FOXP1: variants seen among roughly 807,000 people sequenced by gnomAD.
FOXP1 encodes the protein forkhead box P1, also known as forkhead box protein P1.
In FOXP1, 15 loss-of-function variants were observed where a neutral mutation model predicts 98.2. That is an observed-to-expected ratio of 0.15 (90% CI 0.10 to 0.24). The LOEUF (loss-of-function observed/expected upper bound fraction) is 0.24. Ranked by LOEUF, FOXP1 falls within the 10% of genes least tolerant of loss-of-function variation. FOXP1 has a pLI of 1.00. For synonymous variants in FOXP1, 371 were observed against 314.5 expected (o/e 1.18, Z -1.90); for missense variants, 633 against 848.5 (o/e 0.75, Z 3.15).
At chr3:71,069,724 A>AT (rs1338597241) in intron 7 of FOXP1, among the ~76,000 whole-genome samples, 5 of 152,200 alleles carry the variant, frequency 3.3e-5, no homozygotes, top group Non-Finnish European at 7.3e-5. Context: ...CAAACCCTCG[A>AT]TTTTTAAGCA....
intron 3 of FOXP1, among the ~76,000 whole-genome samples, chr3:71,493,016 G>C (rs1577825750): frequency 2.0e-5 from 3 of 151,954 alleles, no homozygotes; most frequent in Middle Eastern, 6.8e-3. Context: ...AAAAGTTTGG[G>C]ATAGGACTCT....
rs974765858 is a variant in FOXP1 at position 70,956,398 on chromosome 3, T to C, written c.*2849A>G. 4.3e-5 allele frequency: 10 copies of C among 231,800 alleles called. No homozygotes were observed. The highest frequency in any genetic ancestry group is 1.2e-4 in the East Asian group (2 of 16,464). The allele number at this position is 231,800 out of a possible 1,614,324, so 14.4% of individuals were successfully genotyped here. A position where few individuals can be genotyped will look rare whatever the true frequency, so the allele number is the denominator to read the frequency against. ...CAAGGCTGTGATACCTGCAAAGATA[T>C]GTAAAATCTAATTTTTCTTTTTTTT... On this transcript the variant is annotated 3_prime_UTR_variant, in exon 21 of 21. Transcript: ENST00000649528.
At chr3:71,013,805 T>G (rs967522183) in intron 12 of FOXP1, among the ~76,000 whole-genome samples, 1 of 152,112 alleles carries the variant, frequency 6.6e-6, no homozygotes, top group African/African-American at 2.4e-5. Flanking sequence ...AACAGGGATA[T>G]AGACCAAGGG....
In FOXP1 at chr3:71,477,824, C is replaced by G. The variant is rs953594477; in HGVS notation, c.-168+15602G>C. 5.3e-5 allele frequency among the ~76,000 whole-genome samples: 8 copies of G among 152,200 alleles called. 1 individual carries two copies. Among genetic ancestry groups the G allele is most frequent in the African/African-American group, 1.9e-4 (8 of 41,530 alleles). On this transcript the variant is annotated intron_variant, in intron 3 of 20. Coordinates refer to ENST00000649528, the MANE Select transcript of FOXP1 (RefSeq NM_001349338.3). The stretch of plus-strand genomic sequence containing the variant: ...AAGATTTGTATGCATACATGAAGTA[C>G]CAACTGAAATAGATCTTCAGAATGA...
intron 3 of FOXP1, among the ~76,000 whole-genome samples, chr3:71,473,892 G>A (rs1277388625): frequency 6.6e-6 from 1 of 152,144 alleles, no homozygotes; most frequent in Non-Finnish European, 1.5e-5. Context: ...GAGAAAGACA[G>A]TAATTAATTA....
chr3:71,485,771 C>CAAAAAAA (rs545900035), intron 3 of FOXP1, among the ~76,000 whole-genome samples: 1 of 111,868 alleles, frequency 8.9e-6, no homozygotes, highest in African/African-American at 3.6e-5. Context: ...GAGACTCCAT[C>CAAAAAAA]AAAAAAAAAA....
At chr3:71,424,604 T>G (rs1202609519) in intron 3 of FOXP1, among the ~76,000 whole-genome samples, 2 of 152,142 alleles carry the variant, frequency 1.3e-5, no homozygotes, top group Non-Finnish European at 2.9e-5. Flanking sequence ...GGTGTATTAA[T>G]CAAACCCAAA....
intron 3 of FOXP1, among the ~76,000 whole-genome samples, chr3:71,492,689 C>G (rs191233954): frequency 8.7e-4 from 132 of 152,282 alleles, no homozygotes; most frequent in Non-Finnish European, 1.6e-3. Flanking sequence ...CTGACCTCAT[C>G]CAATGGCAAG....
chr3:71,110,905 G>A (rs566027125), intron 7 of FOXP1, among the ~76,000 whole-genome samples: 10 of 152,298 alleles, frequency 6.6e-5, no homozygotes, highest in African/African-American at 1.2e-4. Context: ...GCATGCGCAC[G>A]CATTCCAAGG....
intron 3 of FOXP1, among the ~76,000 whole-genome samples, chr3:71,407,403 T>C (rs907673893): frequency 1.3e-5 from 2 of 152,216 alleles, no homozygotes; most frequent in African/African-American, 4.8e-5. Context: ...TCATCACGCA[T>C]GTTTTTCTAA....
chr3:71,249,134 T>C (rs1321722045), intron 5 of FOXP1, among the ~76,000 whole-genome samples: 1 of 152,254 alleles, frequency 6.6e-6, no homozygotes, highest in Non-Finnish European at 1.5e-5. Flanking sequence ...GTCATGTGGA[T>C]GCCAGAGGCC....
At chr3:71,040,719 G>A (rs1279323389) in intron 11 of FOXP1, among the ~76,000 whole-genome samples, 1 of 152,082 alleles carries the variant, frequency 6.6e-6, no homozygotes, top group East Asian at 1.9e-4. Context: ...CCACAATGAA[G>A]AGAAAGTGTG....
chr3:71,434,126 T>C (rs1019506974), intron 3 of FOXP1, among the ~76,000 whole-genome samples: 1 of 152,180 alleles, frequency 6.6e-6, no homozygotes, highest in Admixed American at 6.5e-5. Flanking sequence ...AGATCAAGAT[T>C]CAAAGTCCTG....
At chr3:71,372,652 A>G (rs2079426159) in intron 3 of FOXP1, among the ~76,000 whole-genome samples, 1 of 152,226 alleles carries the variant, frequency 6.6e-6, no homozygotes, top group African/African-American at 2.4e-5. Context: ...GCAGGCACTC[A>G]GCAGATATGC....
chr3:71,554,678 CCT>C (rs1362720677), intron 2 of FOXP1, among the ~76,000 whole-genome samples: 1 of 152,148 alleles, frequency 6.6e-6, no homozygotes, highest in Non-Finnish European at 1.5e-5. Context: ...AGTTATCAAT[CCT>C]CTTTTTGAAT....
At chr3:71,245,434 A>T (rs2067656338) in intron 5 of FOXP1, 1 of 151,862 alleles carries the variant, frequency 6.6e-6, no homozygotes, top group Admixed American at 6.6e-5. Flanking sequence ...ATCTGACTGT[A>T]AATTTGCTAA....
chr3:71,516,742 A>G (rs1223976417), intron 2 of FOXP1, among the ~76,000 whole-genome samples: 1 of 152,110 alleles, frequency 6.6e-6, no homozygotes, highest in Non-Finnish European at 1.5e-5. Flanking sequence ...GCTACTTGGG[A>G]GGCTGAGGCA....
chr3:71,372,325 G>A (rs1206135886), intron 3 of FOXP1, among the ~76,000 whole-genome samples: 3 of 152,004 alleles, frequency 2.0e-5, no homozygotes, highest in Non-Finnish European at 4.4e-5. Context: ...CCTGGCCGAG[G>A]ATCATTCTTT....
At chr3:71,550,333 CTGTTGACCGTGAGCTAATA>C (rs2045679376) in intron 2 of FOXP1, among the ~76,000 whole-genome samples, 1 of 152,198 alleles carries the variant, frequency 6.6e-6, no homozygotes, top group Non-Finnish European at 1.5e-5. Flanking sequence ...CACTTATCCG[CTGTTGACCGTGAGCTAATA>C]TGTTATATAA....
Sources: allele counts gnomAD v4.1 joint callset (sites outside exome capture counted in the v4.1 genomes callset), GRCh38; gene constraint gnomAD v4.1.1; transcripts MANE v1.5; gene names NCBI Gene and HGNC (gene_info 2026-07-23, HGNC 2026-07-21).